The following COG4 variants were observed in gnomAD, a reference collection of about 807,000 sequenced individuals.
COG4 encodes the protein component of oligomeric golgi complex 4.
In COG4, 65 loss-of-function variants were observed where a neutral mutation model predicts 95.1. The observed-to-expected ratio is 0.68, with a 90% CI of 0.56 to 0.84. The LOEUF is 0.84. Ranked by LOEUF, COG4 falls within the 40% of genes least tolerant of loss-of-function variation. The probability of loss-of-function intolerance (pLI) is 0.00; values close to 1 mark genes in which losing one functional copy is unlikely to be tolerated. For missense variants in COG4, 1,045 were observed against 989.1 expected, an observed-to-expected ratio of 1.06 and a Z score of -0.76; for synonymous variants, 421 against 374.8, an observed-to-expected ratio of 1.12 and a Z score of -1.42.
Position 70,510,032 on chromosome 16 carries a change from A to C in COG4, c.739-11T>G. 6.2e-7 allele frequency: 1 copy of C among 1,608,912 alleles called. No homozygotes were observed. On this transcript the variant is annotated splice_polypyrimidine_tract_variant and intron_variant, in intron 5 of 18. Transcript: ENST00000323786. The stretch of plus-strand genomic sequence containing the variant: ...AGCTTTACTGGCCACCTAAAAAAGG[A>C]GAAAACCCACACACATTCCTCAGAA...
chr16:70,513,176 A>G (rs1217798887), intron 4 of COG4, among the ~76,000 whole-genome samples: 1 of 152,244 alleles, frequency 6.6e-6, no homozygotes, highest in South Asian at 2.1e-4. Flanking sequence ...TATTCCAAGT[A>G]GCATATTCCT....
At chr16:70,490,243 G>A in intron 13 of COG4, 87 bp downstream of exon 13, 1 of 1,091,468 alleles carries the variant, frequency 9.2e-7, no homozygotes, top group Non-Finnish European at 1.4e-6. Flanking sequence ...ACCAAGATAA[G>A]TGTCTTCACC....
Position 70,509,964 on chromosome 16 carries a change from G to C in COG4, c.796C>G (p.Arg266Gly). 2 of 1,613,936 alleles carry C rather than the reference G, an allele frequency of 1.2e-6. No homozygotes were observed. The highest frequency in any genetic ancestry group is 1.3e-5 in the African/African-American group (1 of 75,036). The change falls in exon 6 of 19, where the codon CGG becomes GGG. Residue 266 changes from arginine (R) to glycine (G), a missense_variant. By Grantham distance (125) the Arg-to-Gly change is moderately radical. Coordinates refer to ENST00000323786, the MANE Select transcript of COG4 (RefSeq NM_015386.3). ...LMVLGTDMSD[R>G]RAAVIFADTL... is the part of the protein sequence containing the mutation. Reference sequence around the variant, plus strand: ...TCTGCAAAGATGACTGCAGCTCTCCGATCACTCATGTCTGTCCCCAGCACC... The same window carrying C: ...TCTGCAAAGATGACTGCAGCTCTCCCATCACTCATGTCTGTCCCCAGCACC...
chr16:70,485,865 G>A (rs1480963905), intron 13 of COG4, among the ~76,000 whole-genome samples: 3 of 150,544 alleles, frequency 2.0e-5, no homozygotes, highest in Non-Finnish European at 2.9e-5. Context: ...GATTACAGGC[G>A]TGAACCACCG....
At chr16:70,517,587 CAAAAAAAAAAA>C (rs746781437) in intron 3 of COG4, 28 bp downstream of exon 3, 9 of 509,292 alleles carry the variant, frequency 1.8e-5, no homozygotes, top group African/African-American at 1.5e-4. Flanking sequence ...GACCCTGTCT[CAAAAAAAAAAA>C]AAAAAAAAAA....
intron 13 of COG4, 58 bp from the exon 14 acceptor site, chr16:70,484,027 G>C: frequency 1.6e-6 from 2 of 1,265,324 alleles, no homozygotes; most frequent in Non-Finnish European, 2.3e-6. Context: ...GGAGTGTGAG[G>C]AGCCACCAGC....
chr16:70,507,293 T>C (rs1479843257), intron 8 of COG4, among the ~76,000 whole-genome samples: 1 of 152,106 alleles, frequency 6.6e-6, no homozygotes, highest in Non-Finnish European at 1.5e-5. Flanking sequence ...TGTATCGGTA[T>C]ACACAAGAGG....
At chr16:70,506,618 CAAAAAA>C (rs1212409898) in intron 8 of COG4, among the ~76,000 whole-genome samples, 80 of 59,918 alleles carry the variant, frequency 1.3e-3, no homozygotes, top group Non-Finnish European at 1.9e-3. Context: ...AAAAAAAAAA[CAAAAAA>C]AAAAACATTT....
chr16:70,515,405 G>A (rs1254383090), intron 3 of COG4, among the ~76,000 whole-genome samples: 1 of 152,010 alleles, frequency 6.6e-6, no homozygotes, highest in South Asian at 2.1e-4. Flanking sequence ...ACATGCTTGC[G>A]CCAGGCGTGG....
chr16:70,507,258 C>A (rs775213800), intron 8 of COG4, among the ~76,000 whole-genome samples: 7 of 151,296 alleles, frequency 4.6e-5, no homozygotes, highest in South Asian at 4.2e-4. Context: ...AGCAAAAAAA[C>A]CCCAAAACAA....
intron 8 of COG4, 200 bp from the exon 9 acceptor site, chr16:70,501,291 T>G (rs1254432730): frequency 3.3e-6 from 2 of 606,988 alleles, no homozygotes; most frequent in African/African-American, 3.7e-5. Context: ...CTGCTTCACC[T>G]AAATCATTCA....
In COG4 at chr16:70,483,881, A is replaced by T; in HGVS notation, c.1799T>A (p.Val600Glu). Residue 600 changes from valine to glutamate, a missense_variant, in exon 14 of 19, where the codon GTG (valine) becomes GAG (glutamate). By Grantham distance (121) the Val-to-Glu change is moderately radical. Coordinates refer to ENST00000323786, the MANE Select transcript of COG4 (RefSeq NM_015386.3). ...CAAGAGGTCTCGGAATTTGTTGGAC[A>T]CGGCGGCCAAGTCAGAAAGGCAGCT... is the stretch of plus-strand genomic sequence containing the variant. ...FDSCLSDLAAVSNKFRDLLQE... is the reference protein window; with the variant it reads ...FDSCLSDLAAESNKFRDLLQE... 1 of 1,613,446 alleles carries T rather than the reference A, an allele frequency of 6.2e-7. No individual in the cohort carries two copies. Among genetic ancestry groups the T allele is most frequent in the South Asian group, 1.1e-5 (1 of 91,080 alleles).
intron 1 of COG4, among the ~76,000 whole-genome samples, chr16:70,521,228 T>A (rs2049935292): frequency 6.6e-6 from 1 of 152,084 alleles, no homozygotes; most frequent in African/African-American, 2.4e-5. Context: ...ATACTTTTTT[T>A]TTTTTTTGAG....
chr16:70,517,838 T>A (rs574878982), intron 2 of COG4, 98 bp from the exon 3 acceptor site: 3 of 764,258 alleles, frequency 3.9e-6, no homozygotes, highest in Admixed American at 1.9e-5. Flanking sequence ...ACTTCTTTCA[T>A]ACCTACCTGT....
chr16:70,487,831 TTA>T (rs1476998151), intron 13 of COG4, among the ~76,000 whole-genome samples: 3 of 152,176 alleles, frequency 2.0e-5, no homozygotes, highest in Non-Finnish European at 2.9e-5. Context: ...ACTTTTTTTT[TTA>T]TGTTTTTTTG....
intron 4 of COG4, 56 bp from the exon 5 acceptor site, chr16:70,512,488 CA>C: frequency 2.1e-6 from 3 of 1,446,342 alleles, no homozygotes; most frequent in Non-Finnish European, 2.9e-6. Context: ...GTGGCAGGTC[CA>C]TGCCACTTTG....
At chr16:70,517,492 G>A in intron 3 of COG4, 134 bp downstream of exon 3, 2 of 648,528 alleles carry the variant, frequency 3.1e-6, no homozygotes, top group Non-Finnish European at 5.4e-6. Context: ...GGAGGCTGAG[G>A]TGGGAGAATT....
intron 11 of COG4, 68 bp downstream of exon 11, chr16:70,497,153 C>G: frequency 6.8e-7 from 1 of 1,471,816 alleles, no homozygotes. Flanking sequence ...AGGGCAGAAA[C>G]AAATGGGCCT....
At chr16:70,515,829 G>A (rs1442463588) in intron 3 of COG4, 1 of 332,042 alleles carries the variant, frequency 3.0e-6, no homozygotes, top group Non-Finnish European at 5.9e-6. Context: ...TTAGCTGAGG[G>A]TTGTTTTTTT....
Sources: gnomAD v4.1 joint callset for allele counts (sites outside exome capture counted in the v4.1 genomes callset) on GRCh38, gnomAD v4.1.1 for gene constraint, MANE v1.5 for transcripts, NCBI Gene and HGNC (gene_info 2026-07-23, HGNC 2026-07-21) for gene names.